Variants in RALGAPB observed in about 807,000 individuals in gnomAD.
RALGAPB encodes ral GTPase-activating protein subunit beta.
RALGAPB carries 25 observed loss-of-function variants against 161.1 expected under a neutral mutation model. The observed-to-expected ratio is 0.16, with a 90% CI of 0.11 to 0.22. The LOEUF (loss-of-function observed/expected upper bound fraction) is 0.22. Among genes scored for constraint, RALGAPB ranks in the 10% least tolerant of loss-of-function variants. The pLI, the probability that RALGAPB is intolerant of heterozygous loss-of-function variation, is 1.00. For synonymous variants in RALGAPB, 629 were observed against 626.1 expected (o/e 1.00, Z -0.07); for missense variants, 1,391 against 1,815.2 (o/e 0.77, Z 4.25).
chr20:38,533,916 A>G (rs571049792), intron 15 of RALGAPB, among the ~76,000 whole-genome samples: 7 of 151,376 alleles, frequency 4.6e-5, no homozygotes, highest in African/African-American at 1.7e-4. Context: ...AGGTGGGCGG[A>G]TCACCTGAGG....
At chr20:38,555,903 T>G (rs2087571918) in intron 22 of RALGAPB, among the ~76,000 whole-genome samples, 1 of 152,220 alleles carries the variant, frequency 6.6e-6, no homozygotes, top group South Asian at 2.1e-4. Context: ...GACTTAGTTC[T>G]GAATTAATAG....
intron 5 of RALGAPB, among the ~76,000 whole-genome samples, chr20:38,506,925 C>T (rs980755317): frequency 6.6e-6 from 1 of 152,064 alleles, no homozygotes; most frequent in African/African-American, 2.4e-5. Flanking sequence ...TCTAGTATAT[C>T]ACAGAGAACA....
chr20:38,568,678 G>A (rs543502141), intron 26 of RALGAPB: 1 of 152,170 alleles, frequency 6.6e-6, no homozygotes, highest in South Asian at 2.1e-4. Context: ...ATTGAGGTGA[G>A]TTTAGCAAGA....
intron 18 of RALGAPB, among the ~76,000 whole-genome samples, chr20:38,541,786 G>A (rs2086977284): frequency 6.6e-6 from 1 of 152,168 alleles, no homozygotes; most frequent in Non-Finnish European, 1.5e-5. Flanking sequence ...CTGGGGAGTT[G>A]AAAGGAGAAA....
chr20:38,565,301 G>A (rs2087952977), intron 24 of RALGAPB, 58 bp from the exon 25 acceptor site: 1 of 1,581,834 alleles, frequency 6.3e-7, no homozygotes, highest in Non-Finnish European at 8.6e-7. Flanking sequence ...GTAGCAAGAT[G>A]ATACTGGTTT....
intron 5 of RALGAPB, among the ~76,000 whole-genome samples, chr20:38,508,528 G>A (rs1488180867): frequency 1.3e-5 from 2 of 152,034 alleles, no homozygotes; most frequent in Non-Finnish European, 2.9e-5. Context: ...AAAAGATAGG[G>A]ACAGCAGGAA....
In RALGAPB at chr20:38,493,119, C is replaced by A. The variant is rs1484306613; in HGVS notation, c.376C>A (p.Leu126Ile). 1.2e-6 allele frequency: 2 copies of A among 1,602,478 alleles called. No individual in the cohort carries two copies. The highest frequency in any genetic ancestry group is 1.9e-4 in the Middle Eastern group (1 of 5,172). Residue 126 changes from leucine to isoleucine, a missense_variant, in exon 3 of 30, where the codon CTT (leucine) becomes ATT (isoleucine). Physicochemically the swap from Leu to Ile is conservative, Grantham distance 5 (BLOSUM62 2). Coordinates refer to ENST00000262879, the MANE Select transcript of RALGAPB (RefSeq NM_020336.4). ...AACTATACTAAAACACCTACAGAAT[C>A]TTTTTGTACCAAGGTAAGCTATACC... is the stretch of plus-strand genomic sequence containing the variant. ...VQTILKHLQN[L>I]FVPRQEQGSS...
chr20:38,515,308 G>A lies in RALGAPB; in HGVS notation c.873-884G>A, dbSNP rs554853184. On this transcript the variant is annotated intron_variant, in intron 6 of 29. Transcript: ENST00000262879. The stretch of plus-strand genomic sequence containing the variant: ...AGTCTTTTGGTGGGTGGAAAAAGAG[G>A]TTTTGAAAGGCAGAGCATGTATAGA... Among the ~76,000 whole-genome samples, 3 of 152,294 alleles carry A rather than the reference G, an allele frequency of 2.0e-5. No individual in the cohort carries two copies. The East Asian group carries it at 5.8e-4, about 29-fold the overall frequency.
intron 4 of RALGAPB, 22 bp from the exon 5 acceptor site, chr20:38,499,425 G>A (rs201059121): frequency 5.3e-5 from 83 of 1,557,322 alleles, no homozygotes; most frequent in Non-Finnish European, 6.9e-5. Context: ...TGCCAAAGAT[G>A]TGTTTTCTTT....
rs140191239 is a variant in RALGAPB at position 38,500,370 on chromosome 20, A to T, written c.740+737A>T. ...TATGTTGGTAATTCTTGCGTATTTC[A>T]AACTTTTACTGTTATGGTGACCTGT... On this transcript the variant is annotated intron_variant, in intron 5 of 29. Coordinates refer to ENST00000262879, the MANE Select transcript of RALGAPB (RefSeq NM_020336.4). Among the ~76,000 whole-genome samples, 11 of 152,222 alleles carry T rather than the reference A, an allele frequency of 7.2e-5. No homozygotes were observed. The East Asian group carries it at 2.1e-3, about 29-fold the overall frequency.
Position 38,501,464 on chromosome 20 carries a change from G to A in RALGAPB, c.740+1831G>A, listed in dbSNP as rs372212957. 3.0e-4 allele frequency among the ~76,000 whole-genome samples: 46 copies of A among 152,310 alleles called. No individual in the cohort carries two copies. In the South Asian group the frequency reaches 6.8e-3, roughly 23 times the overall value. On this transcript the variant is annotated intron_variant, in intron 5 of 29. Transcript: ENST00000262879. ...CCATCTCTACAAAAAATAGCCAGGT[G>A]TGGTGGCTTGCGCCTGTAGAACACA... is the stretch of plus-strand genomic sequence containing the variant.
At position 38,524,970 on chromosome 20, in the gene RALGAPB, T is replaced by C. The variant is rs762325162; in HGVS notation, c.1787+25T>C. On this transcript the variant is annotated intron_variant, in intron 11 of 29. Transcript: ENST00000262879. ...GGTAAGCTATCATTCTCTGCTATTATATCAACTGTCTGATTTGGCCTGGTC... is the reference window on the plus strand; with the variant it reads ...GGTAAGCTATCATTCTCTGCTATTACATCAACTGTCTGATTTGGCCTGGTC... 16 of 1,579,220 alleles carry C rather than the reference T, an allele frequency of 1.0e-5. No individual in the cohort carries two copies. The South Asian group carries it at 1.3e-4, about 13-fold the overall frequency.
At chr20:38,562,195 A>G (rs2087808960) in intron 23 of RALGAPB, among the ~76,000 whole-genome samples, 1 of 152,218 alleles carries the variant, frequency 6.6e-6, no homozygotes, top group Admixed American at 6.5e-5. Context: ...GCAGGGACAT[A>G]GTGTCTTTTA....
chr20:38,477,560 G>T (rs958396227), intron 1 of RALGAPB, among the ~76,000 whole-genome samples: 2 of 152,066 alleles, frequency 1.3e-5, no homozygotes, highest in African/African-American at 4.8e-5. Flanking sequence ...TGGGGTCAAT[G>T]GGACTGCAAC....
intron 26 of RALGAPB, chr20:38,568,471 G>A (rs561024413): frequency 6.6e-6 from 1 of 152,266 alleles, no homozygotes; most frequent in South Asian, 2.1e-4. Context: ...CTCTGAGGTG[G>A]AGAACAAGGC....
chr20:38,504,501 A>G (rs543791637), intron 5 of RALGAPB, among the ~76,000 whole-genome samples: 1 of 152,370 alleles, frequency 6.6e-6, no homozygotes. Flanking sequence ...CCTAGGAAAC[A>G]CTATTATGGA....
intron 1 of RALGAPB, among the ~76,000 whole-genome samples, chr20:38,487,722 A>G (rs986569382): frequency 6.6e-6 from 1 of 152,150 alleles, no homozygotes; most frequent in African/African-American, 2.4e-5. Flanking sequence ...GAGACTACAT[A>G]TTCACATTAG....
At chr20:38,480,304 G>A (rs1262116682) in intron 1 of RALGAPB, among the ~76,000 whole-genome samples, 2 of 129,854 alleles carry the variant, frequency 1.5e-5, no homozygotes, top group African/African-American at 5.7e-5. Flanking sequence ...TTGGCTCTGG[G>A]TTTTCGGTTT....
chr20:38,518,028 C>T (rs2086184480), intron 9 of RALGAPB, 28 bp downstream of exon 9: 1 of 1,559,718 alleles, frequency 6.4e-7, no homozygotes, highest in Non-Finnish European at 8.8e-7. Context: ...AATATGTTAT[C>T]ATTATTTTCC....
Sources: gnomAD v4.1 joint callset for allele counts (sites outside exome capture counted in the v4.1 genomes callset) on GRCh38, gnomAD v4.1.1 for gene constraint, MANE v1.5 for transcripts, NCBI Gene and HGNC (gene_info 2026-07-23, HGNC 2026-07-21) for gene names.